NYNRIN: variants seen among roughly 807,000 people sequenced by gnomAD.
NYNRIN encodes NYN domain and retroviral integrase containing.
In NYNRIN, 86 loss-of-function variants were observed where a neutral mutation model predicts 146.6. The ratio of observed to expected loss-of-function variants is 0.59; its 90% CI spans 0.49 to 0.70. The LOEUF (loss-of-function observed/expected upper bound fraction) is 0.70, where lower values mean the gene tolerates loss of function less well. Ranked by LOEUF, NYNRIN falls within the 30% of genes least tolerant of loss-of-function variation. The pLI, the probability that NYNRIN is intolerant of heterozygous loss-of-function variation, is 0.00. For synonymous variants in NYNRIN, 1,027 were observed against 1,001.3 expected, an observed-to-expected ratio of 1.03 and a Z score of -0.48; for missense variants, 2,191 against 2,377.7, an observed-to-expected ratio of 0.92 and a Z score of 1.63.
In NYNRIN at chr14:24,413,016, G is replaced by T. The variant is rs1388058127; in HGVS notation, c.2662G>T (p.Glu888Ter). The T allele has an allele frequency of 3.1e-6, 5 of 1,599,166 alleles. No individual in the cohort carries two copies. The highest frequency in any genetic ancestry group is 4.3e-6 in the Non-Finnish European group (5 of 1,172,740). ...YDYRFMVKLA[E>*]ETDGIIVTNE... ...CTGCAGGTTCATGGTAAAGCTGGCA[G>T]AGGAGACAGATGGCATCATTGTCAC... Residue 888 changes from glutamate (E) to a stop codon, truncating the protein, a stop_gained, in exon 7 of 9, where the codon GAG becomes TAG. Transcript: ENST00000382554. LOFTEE classifies it high-confidence loss of function.
intron 2 of NYNRIN, among the ~76,000 whole-genome samples, chr14:24,402,881 C>G (rs1056683259): frequency 6.6e-6 from 1 of 152,226 alleles, no homozygotes; most frequent in Admixed American, 6.5e-5. Flanking sequence ...CACAGAGGTT[C>G]CCTGCCCCGG....
Position 24,410,110 on chromosome 14 carries a change from C to T in NYNRIN, c.2316C>T (p.His772=), listed in dbSNP as rs751550646. The T allele has an allele frequency of 2.7e-5, 44 of 1,613,844 alleles. No homozygotes were observed. Among genetic ancestry groups the T allele is most frequent in the South Asian group, 2.6e-4 (24 of 91,090 alleles). ...CAGTGACCAGCTTCCAGAGGTACCA[C>T]GAGGCCCTGAATACACCCTTCGAGC... The part of the protein sequence containing the change: ...NSTVTSFQRY[H]EALNTPFELN... The change falls in exon 4 of 9, where the codon CAC becomes CAT. Residue 772 remains histidine, a synonymous_variant. Transcript: ENST00000382554.
At chr14:24,407,804 G>A (rs1566484149) in intron 2 of NYNRIN, 65 bp from the exon 3 acceptor site, 3 of 1,472,216 alleles carry the variant, frequency 2.0e-6, no homozygotes, top group Non-Finnish European at 1.8e-6. Flanking sequence ...TTTGGGTGGC[G>A]AGGGCAGATC....
At chr14:24,404,943 T>G (rs2139343384) in intron 2 of NYNRIN, among the ~76,000 whole-genome samples, 1 of 152,196 alleles carries the variant, frequency 6.6e-6, no homozygotes, top group East Asian at 1.9e-4. Context: ...GACCTTGTTT[T>G]GTACTCCCTG....
At chr14:24,399,115 C>T in intron 1 of NYNRIN, 29 bp downstream of exon 1, 4 of 821,416 alleles carry the variant, frequency 4.9e-6, no homozygotes, top group East Asian at 5.8e-5. Context: ...AGGAAGGAGG[C>T]CGTGCGGGGG....
chr14:24,416,138 A>G lies in NYNRIN; in HGVS notation c.4389A>G (p.Pro1463=). Residue 1463 remains proline, a synonymous_variant, in exon 9 of 9, where the codon CCA becomes CCG. Transcript: ENST00000382554. ...GQWWSLPKDV[P]APTVSPHAMG... ...GGTGGAGTTTGCCAAAGGATGTGCC[A>G]GCCCCTACAGTGAGTCCCCATGCCA... is the stretch of plus-strand genomic sequence containing the variant. 4 of 1,613,986 alleles carry G rather than the reference A, an allele frequency of 2.5e-6. No homozygotes were observed. The highest frequency in any genetic ancestry group is 3.4e-6 in the Non-Finnish European group (4 of 1,179,896).
In NYNRIN at chr14:24,416,037, ACCT is replaced by A; in HGVS notation, c.4292_4294del (p.Ser1431del). 1 of 1,613,442 alleles carries A rather than the reference ACCT, an allele frequency of 6.2e-7. No homozygotes were observed. The highest frequency in any genetic ancestry group is 8.5e-7 in the Non-Finnish European group (1 of 1,179,774). On this transcript the variant is annotated inframe_deletion, in exon 9 of 9. Coordinates refer to ENST00000382554, the MANE Select transcript of NYNRIN (RefSeq NM_025081.3). ...CTCATCCCTTCCGTTTATCTACCGA[ACCT>A]CCTACCGGGGCTCTCTGTTTGCTGT...
In NYNRIN at chr14:24,417,789, C is replaced by T. The variant is rs1320483663; in HGVS notation, c.*343C>T. 3 of 247,320 alleles carry T rather than the reference C, an allele frequency of 1.2e-5. No individual in the cohort carries two copies. The highest frequency in any genetic ancestry group is 2.3e-5 in the African/African-American group (1 of 44,144). 15.3% of individuals were successfully genotyped at this position (247,320 alleles called of 1,614,324 possible). A position where few individuals can be genotyped will look rare whatever the true frequency, so the allele number is the denominator to read the frequency against. On this transcript the variant is annotated 3_prime_UTR_variant, in exon 9 of 9. Coordinates refer to ENST00000382554, the MANE Select transcript of NYNRIN (RefSeq NM_025081.3). ...TCACATGTAGGTGTGTGGTGGTGTG[C>T]ACACACACTCACGAAAGAATCTATC...
intron 2 of NYNRIN, among the ~76,000 whole-genome samples, chr14:24,406,935 T>C (rs2042878565): frequency 6.6e-6 from 1 of 152,222 alleles, no homozygotes; most frequent in Non-Finnish European, 1.5e-5. Flanking sequence ...TAGGACTTGG[T>C]CTGCCCAGAA....
rs570213781 is a variant in NYNRIN, at chr14:24,418,479, C to T, written c.*1033C>T. 8 of 344,464 alleles carry T rather than the reference C, an allele frequency of 2.3e-5. No individual in the cohort carries two copies. The highest frequency in any genetic ancestry group is 8.5e-5 in the East Asian group (1 of 11,798). 21.3% of individuals were successfully genotyped at this position (344,464 alleles called of 1,614,324 possible). ...TGATTGCTTCATCTGTATCACCCCCCGAGTCCTGTGGACCTGCCTTCTGTG... is the reference window on the plus strand; with the variant it reads ...TGATTGCTTCATCTGTATCACCCCCTGAGTCCTGTGGACCTGCCTTCTGTG... On this transcript the variant is annotated 3_prime_UTR_variant, in exon 9 of 9. Transcript: ENST00000382554.
chr14:24,407,861 G>T lies in NYNRIN; in HGVS notation c.199-8G>T, dbSNP rs1024917051. The T allele has an allele frequency of 2.5e-6, 4 of 1,591,340 alleles. No individual in the cohort carries two copies. The highest frequency in any genetic ancestry group is 2.6e-6 in the Non-Finnish European group (3 of 1,167,702). On this transcript the variant is annotated splice_polypyrimidine_tract_variant and splice_region_variant and intron_variant, in intron 2 of 8. Coordinates refer to ENST00000382554, the MANE Select transcript of NYNRIN (RefSeq NM_025081.3). ...CTGACTTCATTGTGTTCTCCCCATTGTGCCCAGGAATACCTGAAGGGCCTG... is the reference window on the plus strand; with the variant it reads ...CTGACTTCATTGTGTTCTCCCCATTTTGCCCAGGAATACCTGAAGGGCCTG...
Position 24,408,764 on chromosome 14 carries a change from C to A in NYNRIN, c.970C>A (p.Gln324Lys). Residue 324 changes from glutamine (Q) to lysine (K), a missense_variant, in exon 4 of 9, where the codon CAG (glutamine) becomes AAG (lysine). Physicochemically the swap from Gln to Lys is moderately conservative, Grantham distance 53 (BLOSUM62 1). Coordinates refer to ENST00000382554, the MANE Select transcript of NYNRIN (RefSeq NM_025081.3). Reference sequence around the variant, plus strand: ...CACACAAGCCTTGTTGAAGCAAAGGCAGGTCCAGAAGATAGAAGATAAACT... The same window carrying A: ...CACACAAGCCTTGTTGAAGCAAAGGAAGGTCCAGAAGATAGAAGATAAACT... The part of the protein sequence containing the change: ...NHTQALLKQR[Q>K]VQKIEDKLLF... 6.2e-7 allele frequency: 1 copy of A among 1,613,988 alleles called. No individual in the cohort carries two copies. The highest frequency in any genetic ancestry group is 1.1e-5 in the South Asian group (1 of 91,074).
Position 24,407,845 on chromosome 14 carries a change from T to C in NYNRIN, c.199-24T>C, listed in dbSNP as rs764539965. The C allele has an allele frequency of 2.0e-5, 31 of 1,568,864 alleles. No individual in the cohort carries two copies. The East Asian group carries it at 6.5e-4, about 33-fold the overall frequency. ...GCAGGCCCCCAACGGGCTGACTTCA[T>C]TGTGTTCTCCCCATTGTGCCCAGGA... On this transcript the variant is annotated intron_variant, in intron 2 of 8. Coordinates refer to ENST00000382554, the MANE Select transcript of NYNRIN (RefSeq NM_025081.3).
In NYNRIN at chr14:24,417,295, C is replaced by T; in HGVS notation, c.5546C>T (p.Pro1849Leu). 1 of 1,613,856 alleles carries T rather than the reference C, an allele frequency of 6.2e-7. No homozygotes were observed. The highest frequency in any genetic ancestry group is 8.5e-7 in the Non-Finnish European group (1 of 1,179,816). The change falls in exon 9 of 9, where the codon CCC becomes CTC. Residue 1849 changes from proline (P) to leucine (L), a missense_variant. Pro to Leu is a moderately conservative substitution (Grantham distance 98). This residue lies in a region of NYNRIN where 1,291 missense variants were observed against 1,417.0 expected (regional missense o/e 0.91). Coordinates refer to ENST00000382554, the MANE Select transcript of NYNRIN (RefSeq NM_025081.3). ...RNGSSAKWVGPFYIGDRLSLS... is the reference protein window; with the variant it reads ...RNGSSAKWVGLFYIGDRLSLS... The stretch of plus-strand genomic sequence containing the variant: ...GGCAGCAGTGCCAAATGGGTGGGTC[C>T]CTTCTATATCGGGGACCGGCTGAGC...
chr14:24,408,052 A>C lies in NYNRIN; in HGVS notation c.382A>C (p.Ile128Leu). Residue 128 changes from isoleucine (I) to leucine (L), a missense_variant, in exon 3 of 9, where the codon ATC (isoleucine) becomes CTC (leucine). By Grantham distance (5) the Ile-to-Leu change is conservative. Coordinates refer to ENST00000382554, the MANE Select transcript of NYNRIN (RefSeq NM_025081.3). Reference sequence around the variant, plus strand: ...GGTGGGCGGGCTGACTGAGTCTTTCATCATGACACAGAACTGGCTGGAGGA... The same window carrying C: ...GGTGGGCGGGCTGACTGAGTCTTTCCTCATGACACAGAACTGGCTGGAGGA... ...LMVGGLTESFIMTQNWLEELV... is the reference protein window; with the variant it reads ...LMVGGLTESFLMTQNWLEELV... 3 of 1,613,940 alleles carry C rather than the reference A, an allele frequency of 1.9e-6. No homozygotes were observed. The highest frequency in any genetic ancestry group is 2.5e-6 in the Non-Finnish European group (3 of 1,179,878).
In NYNRIN at chr14:24,416,098, AG is replaced by A; in HGVS notation, c.4355del (p.Gly1452ValfsTer16). The part of the protein sequence containing the change: ...TVDTLAKQGA[Q>X]GGGQWWSLPK... ...GACACCCTGGCCAAGCAGGGTGCCC[AG>A]GGGGGTGGGCAGTGGTGGAGTTTGC... On this transcript the variant is annotated frameshift_variant, in exon 9 of 9. Coordinates refer to ENST00000382554, the MANE Select transcript of NYNRIN (RefSeq NM_025081.3). LOFTEE classifies it high-confidence loss of function. 1 of 1,613,918 alleles carries A rather than the reference AG, an allele frequency of 6.2e-7. No homozygotes were observed. Among genetic ancestry groups the A allele is most frequent in the Non-Finnish European group, 8.5e-7 (1 of 1,179,858 alleles).
Position 24,411,316 on chromosome 14 carries a change from T to C in NYNRIN, c.2546-38T>C, listed in dbSNP as rs1472047623. 1.3e-5 allele frequency: 21 copies of C among 1,612,922 alleles called. No individual in the cohort carries two copies. The highest frequency in any genetic ancestry group is 1.8e-5 in the Non-Finnish European group (21 of 1,179,030). ...CAGAGTGGCCATTTCCACTTAGCCC[T>C]CCCTTGACCATTTCTGTCTTCTGCC... On this transcript the variant is annotated intron_variant, in intron 5 of 8. Transcript: ENST00000382554. The surrounding 1 kb of genome is among the most constrained non-coding windows in gnomAD (Gnocchi z 4.3).
chr14:24,418,341 G>A lies in NYNRIN; in HGVS notation c.*895G>A. 2 of 453,954 alleles carry A rather than the reference G, an allele frequency of 4.4e-6. No homozygotes were observed. Among genetic ancestry groups the A allele is most frequent in the Non-Finnish European group, 8.9e-6 (2 of 225,584 alleles). The allele number at this position is 453,954 out of a possible 1,614,324, so 28.1% of individuals were successfully genotyped here. ...GTCTGCAACAGGAGTGGCACACGGT[G>A]AAGTGCTGGCATGGCTCTACCTCCC... On this transcript the variant is annotated 3_prime_UTR_variant, in exon 9 of 9. Coordinates refer to ENST00000382554, the MANE Select transcript of NYNRIN (RefSeq NM_025081.3).
At position 24,410,166 on chromosome 14, in the gene NYNRIN, G is replaced by C. The variant is rs777009648; in HGVS notation, c.2372G>C (p.Gly791Ala). 1 of 1,611,918 alleles carries C rather than the reference G, an allele frequency of 6.2e-7. No homozygotes were observed. Among genetic ancestry groups the C allele is most frequent in the Admixed American group, 1.7e-5 (1 of 59,966 alleles). The stretch of plus-strand genomic sequence containing the variant: ...CTGTCAGGGGAACCTGGAAACCAGG[G>C]GTTGCGGCGAGTGGTCATCGATGGC... ...LNLSGEPGNQ[G>A]LRRVVIDGSS... The change falls in exon 4 of 9, where the codon GGG (glycine) becomes GCG (alanine). Residue 791 changes from glycine (G) to alanine (A), a missense_variant. By Grantham distance (60) the Gly-to-Ala change is moderately conservative. Around this residue, in one of 3 missense-constraint regions of NYNRIN, gnomAD observed 1,291 missense variants for 1,417.0 expected, o/e 0.91. Coordinates refer to ENST00000382554, the MANE Select transcript of NYNRIN (RefSeq NM_025081.3).
Sources: gnomAD v4.1 joint callset for allele counts (sites outside exome capture counted in the v4.1 genomes callset) on GRCh38, gnomAD v4.1.1 for gene constraint, gnomAD v4.1.1 regional missense constraint, Gnocchi (gnomAD v3.1) non-coding constraint, MANE v1.5 for transcripts, NCBI Gene and HGNC (gene_info 2026-07-23, HGNC 2026-07-21) for gene names.